The following MPP7 variants were observed in gnomAD, a reference collection of about 807,000 sequenced individuals.
MPP7 encodes the protein MAGUK p55 subfamily member 7.
A neutral mutation model predicts 76.5 loss-of-function variants in MPP7; 60 were observed. The ratio of observed to expected loss-of-function variants is 0.78; its 90% CI spans 0.64 to 0.97. The LOEUF is 0.97. Ranked by LOEUF, MPP7 falls within the 50% of genes least tolerant of loss-of-function variation. The pLI, the probability that MPP7 is intolerant of heterozygous loss-of-function variation, is 0.00. For missense variants in MPP7, 641 were observed against 694.0 expected (o/e 0.92, Z 0.86); for synonymous variants, 237 against 244.5 (o/e 0.97, Z 0.29).
intron 1 of MPP7, among the ~76,000 whole-genome samples, chr10:28,292,239 G>A (rs140702680): frequency 2.6e-5 from 4 of 152,272 alleles, no homozygotes; most frequent in African/African-American, 9.6e-5. Context: ...AGTGCAGTCT[G>A]CGATGTTCAC....
intron 1 of MPP7, among the ~76,000 whole-genome samples, chr10:28,274,101 C>CTTT (rs60127503): frequency 0.023 from 2,803 of 123,612 alleles, 177 homozygotes; most frequent in African/African-American, 0.081. Flanking sequence ...AAATTTTTTT[C>CTTT]TTTTTTTTTT....
chr10:28,158,160 GC>G (rs1201656413), intron 3 of MPP7, among the ~76,000 whole-genome samples: 1 of 152,044 alleles, frequency 6.6e-6, no homozygotes, highest in African/African-American at 2.4e-5. Flanking sequence ...TTTTCTTCTT[GC>G]CCCAAAACTG....
intron 8 of MPP7, among the ~76,000 whole-genome samples, chr10:28,121,631 C>A (rs1477837502): frequency 1.3e-5 from 2 of 152,078 alleles, no homozygotes; most frequent in East Asian, 3.9e-4. Context: ...TGTATTGTAG[C>A]CATATTTAAT....
chr10:28,271,972 C>G lies in MPP7; in HGVS notation c.-132+30889G>C, dbSNP rs903325381. 2.2e-4 allele frequency among the ~76,000 whole-genome samples: 34 copies of G among 151,980 alleles called. 1 individual carries two copies. The highest frequency in any genetic ancestry group is 7.3e-4 in the African/African-American group (30 of 41,370). On this transcript the variant is annotated intron_variant, in intron 1 of 16. Coordinates refer to ENST00000683449, the MANE Select transcript of MPP7 (RefSeq NM_001318170.2). ...CCCGGGTGACAGAGCGAGACTCTGT[C>G]TCAAAAAACAAACAAAAAAAAGATT...
chr10:28,174,302 G>A (rs1836786403), intron 3 of MPP7, among the ~76,000 whole-genome samples: 1 of 152,204 alleles, frequency 6.6e-6, no homozygotes, highest in African/African-American at 2.4e-5. Flanking sequence ...GGGGCCTGTT[G>A]GGAGGTGTGT....
chr10:28,312,585 A>G (rs906630473), intron 2 of MPP7, among the ~76,000 whole-genome samples: 1 of 152,224 alleles, frequency 6.6e-6, no homozygotes, highest in Non-Finnish European at 1.5e-5. Context: ...AGCCATACTC[A>G]TTAAGAACAA....
intron 11 of MPP7, among the ~76,000 whole-genome samples, chr10:28,098,535 T>C (rs1433074370): frequency 6.6e-6 from 1 of 151,630 alleles, no homozygotes; most frequent in Non-Finnish European, 1.5e-5. Flanking sequence ...TATATAATTA[T>C]ATAAAATTAC....
At chr10:28,305,255 A>G (rs1259819933), upstream of MPP7, 1 of 152,206 alleles carries the variant, frequency 6.6e-6, no homozygotes, top group Non-Finnish European at 1.5e-5. Context: ...GTGCATAAGG[A>G]GAGTGCTACT....
chr10:28,274,777 A>G (rs1207209109), intron 1 of MPP7, among the ~76,000 whole-genome samples: 2 of 152,186 alleles, frequency 1.3e-5, no homozygotes, highest in Non-Finnish European at 2.9e-5. Context: ...TCTGAAAATA[A>G]ACTCTTCATC....
intron 11 of MPP7, among the ~76,000 whole-genome samples, chr10:28,103,861 A>G (rs1017425048): frequency 6.6e-6 from 1 of 152,078 alleles, no homozygotes; most frequent in African/African-American, 2.4e-5. Context: ...AGGAATGGGG[A>G]GGAGGAGGAG....
chr10:28,234,791 T>C (rs1564722244), intron 2 of MPP7, among the ~76,000 whole-genome samples: 1 of 147,554 alleles, frequency 6.8e-6, no homozygotes, highest in Non-Finnish European at 1.5e-5. Flanking sequence ...TTTTGGATTT[T>C]GTTGTTTTTT....
At chr10:28,132,201 TGTGTGTAATTG>T (rs1835216143) in intron 5 of MPP7, among the ~76,000 whole-genome samples, 1 of 152,184 alleles carries the variant, frequency 6.6e-6, no homozygotes, top group Non-Finnish European at 1.5e-5. Flanking sequence ...ACTTTAATTG[TGTGTGTAATTG>T]GTGACTACTA....
At chr10:28,110,418 C>T (rs1415231528) in intron 11 of MPP7, among the ~76,000 whole-genome samples, 2 of 152,130 alleles carry the variant, frequency 1.3e-5, no homozygotes, top group African/African-American at 2.4e-5. Flanking sequence ...AAAATGATGC[C>T]ACCTGATCCC....
At chr10:28,055,897 A>C (rs548973841) in intron 16 of MPP7, among the ~76,000 whole-genome samples, 2 of 151,792 alleles carry the variant, frequency 1.3e-5, no homozygotes, top group South Asian at 4.1e-4. Flanking sequence ...ATTGAATATG[A>C]AGATCCATTC....
intron 3 of MPP7, among the ~76,000 whole-genome samples, chr10:28,199,175 A>G (rs754905404): frequency 4.0e-5 from 6 of 151,864 alleles, no homozygotes; most frequent in Non-Finnish European, 7.4e-5. Flanking sequence ...GAGGGAAACC[A>G]CCCCCCACGA....
intron 5 of MPP7, among the ~76,000 whole-genome samples, chr10:28,146,665 T>C (rs1289537464): frequency 6.6e-6 from 1 of 152,160 alleles, no homozygotes; most frequent in Non-Finnish European, 1.5e-5. Context: ...TAGAAACTAG[T>C]TTTTACATCT....
intron 11 of MPP7, among the ~76,000 whole-genome samples, chr10:28,096,367 CTG>C (rs1468542143): frequency 6.6e-6 from 1 of 152,172 alleles, no homozygotes; most frequent in African/African-American, 2.4e-5. Context: ...CAAGTGAAAA[CTG>C]TACATCACTG....
intron 3 of MPP7, among the ~76,000 whole-genome samples, chr10:28,189,185 AT>A (rs1837327174): frequency 6.6e-6 from 1 of 152,214 alleles, no homozygotes; most frequent in African/African-American, 2.4e-5. Flanking sequence ...AATGACAGAA[AT>A]GTTATAAGAG....
At chr10:28,242,719 T>C (rs2132781611) in intron 1 of MPP7, among the ~76,000 whole-genome samples, 1 of 152,324 alleles carries the variant, frequency 6.6e-6, no homozygotes, top group Non-Finnish European at 1.5e-5. Context: ...AAAGCAATGG[T>C]CACAGTTGGT....
Sources: allele counts gnomAD v4.1 joint callset (sites outside exome capture counted in the v4.1 genomes callset), GRCh38; gene constraint gnomAD v4.1.1; transcripts MANE v1.5; gene names NCBI Gene and HGNC (gene_info 2026-07-23, HGNC 2026-07-21).